The following AFG1L variants were observed in gnomAD, a reference collection of about 807,000 sequenced individuals.
AFG1L encodes AFG1 like ATPase.
A neutral mutation model predicts 62.2 loss-of-function variants in AFG1L; 53 were observed. The ratio of observed to expected loss-of-function variants is 0.85; its 90% CI spans 0.68 to 1.07. AFG1L has a LOEUF of 1.07. Ranked by LOEUF, AFG1L falls within the 50% of genes least tolerant of loss-of-function variation. AFG1L has a pLI of 0.00. For synonymous variants in AFG1L, 228 were observed against 210.3 expected (o/e 1.08, Z -0.73); for missense variants, 555 against 590.5 (o/e 0.94, Z 0.62).
intron 7 of AFG1L, among the ~76,000 whole-genome samples, chr6:108,413,243 A>G (rs1782200154): frequency 6.6e-6 from 1 of 152,210 alleles, no homozygotes; most frequent in Admixed American, 6.5e-5. Context: ...TGCACTCAAT[A>G]CGGGAGCACC....
intron 10 of AFG1L, among the ~76,000 whole-genome samples, chr6:108,498,768 A>G (rs1774067975): frequency 6.6e-6 from 1 of 152,022 alleles, no homozygotes; most frequent in African/African-American, 2.4e-5. Flanking sequence ...TGAGATCAGG[A>G]GTTCAAGACC....
intron 1 of AFG1L, 116 bp from the exon 2 acceptor site, chr6:108,323,709 G>T: frequency 1.5e-6 from 1 of 661,864 alleles, no homozygotes; most frequent in South Asian, 2.0e-5. Context: ...TACAAAAACT[G>T]CTCCAATAGA....
chr6:108,346,931 A>G, intron 2 of AFG1L, 57 bp from the exon 3 acceptor site: 1 of 1,293,326 alleles, frequency 7.7e-7, no homozygotes, highest in Non-Finnish European at 1.1e-6. Flanking sequence ...GACTATGTAT[A>G]TGATTATATT....
intron 7 of AFG1L, among the ~76,000 whole-genome samples, chr6:108,422,477 C>CAAAAAAAAACAAAAAAAAAAAAAAAA (rs1770636179): frequency 2.2e-5 from 1 of 45,798 alleles, no homozygotes; most frequent in African/African-American, 1.0e-4. Context: ...TAGTCCTCAG[C>CAAAAAAAAACAAAAAAAAAAAAAAAA]AAAAAAAAAA....
At chr6:108,309,097 G>GA in intron 1 of AFG1L, among the ~76,000 whole-genome samples, 2 of 152,020 alleles carry the variant, frequency 1.3e-5, no homozygotes, top group African/African-American at 4.8e-5. Flanking sequence ...AGGTCACGAA[G>GA]GTATTTTCAT....
chr6:108,449,186 CATATACACTTACAT>C (rs1771946775), intron 8 of AFG1L, among the ~76,000 whole-genome samples: 2 of 150,252 alleles, frequency 1.3e-5, no homozygotes, highest in Admixed American at 1.3e-4. Flanking sequence ...TAAGTGTATA[CATATACACTTACAT>C]ATATACACAC....
chr6:108,305,202 CATT>C (rs1298774151), intron 1 of AFG1L, among the ~76,000 whole-genome samples: 1 of 152,112 alleles, frequency 6.6e-6, no homozygotes, highest in Non-Finnish European at 1.5e-5. Flanking sequence ...TGGAGAGGCT[CATT>C]ATATTAACAA....
intron 2 of AFG1L, among the ~76,000 whole-genome samples, chr6:108,342,391 T>C (rs894085417): frequency 6.6e-6 from 1 of 152,164 alleles, no homozygotes; most frequent in African/African-American, 2.4e-5. Flanking sequence ...TATAGGGAAT[T>C]AAATTTAAGG....
chr6:108,500,116 G>T (rs892120158), intron 10 of AFG1L, among the ~76,000 whole-genome samples: 1 of 151,226 alleles, frequency 6.6e-6, no homozygotes, highest in East Asian at 1.9e-4. Context: ...CCATGTTGCT[G>T]CAAAGAACAT....
At chr6:108,510,478 C>A (rs991431233) in intron 11 of AFG1L, 126 bp downstream of exon 11, 3 of 700,524 alleles carry the variant, frequency 4.3e-6, no homozygotes, top group African/African-American at 3.6e-5. Context: ...TCCATTCCCT[C>A]ATGTGTGAAT....
At chr6:108,481,814 T>C (rs1773330480) in intron 10 of AFG1L, among the ~76,000 whole-genome samples, 1 of 152,340 alleles carries the variant, frequency 6.6e-6, no homozygotes, top group South Asian at 2.1e-4. Flanking sequence ...CAAGCTGAAC[T>C]AGCCACTATT....
chr6:108,405,967 C>A (rs1354558504), intron 7 of AFG1L, among the ~76,000 whole-genome samples: 4 of 152,210 alleles, frequency 2.6e-5, no homozygotes, highest in African/African-American at 7.2e-5. Flanking sequence ...GAATTCTAAT[C>A]CTTTTTATGG....
intron 1 of AFG1L, among the ~76,000 whole-genome samples, chr6:108,323,517 A>G (rs1777901953): frequency 6.6e-6 from 1 of 152,040 alleles, no homozygotes. Flanking sequence ...ATGCACCACC[A>G]TGCCCAGCTA....
rs201568525 is a variant in AFG1L, at chr6:108,349,367, CCAA to C, written c.415+2329_415+2331del. Among the ~76,000 whole-genome samples, 901 of 152,038 alleles carry C rather than the reference CCAA, an allele frequency of 5.9e-3. 28 individuals are homozygous for C. Among genetic ancestry groups the C allele is most frequent in the Admixed American group, 0.05 (769 of 15,268 alleles). On this transcript the variant is annotated intron_variant, in intron 3 of 12. Transcript: ENST00000368977. Reference sequence around the variant, plus strand: ...GGTGTGGTGGCATGTGCCTATAGTCCCAATTACTCGAGAGGCTAAGGTGGGAGG... The same window carrying C: ...GGTGTGGTGGCATGTGCCTATAGTCCTTACTCGAGAGGCTAAGGTGGGAGG...
At chr6:108,325,957 A>T (rs1778026856) in intron 2 of AFG1L, among the ~76,000 whole-genome samples, 1 of 151,930 alleles carries the variant, frequency 6.6e-6, no homozygotes, top group Non-Finnish European at 1.5e-5. Context: ...TTGTATTTTT[A>T]GTAGAGATGG....
At chr6:108,353,314 C>T (rs1779151163) in intron 3 of AFG1L, among the ~76,000 whole-genome samples, 1 of 152,016 alleles carries the variant, frequency 6.6e-6, no homozygotes, top group South Asian at 2.1e-4. Context: ...ACCACCAAAC[C>T]TGGCTAATAT....
intron 8 of AFG1L, among the ~76,000 whole-genome samples, chr6:108,451,821 C>T (rs958900849): frequency 1.3e-5 from 2 of 152,060 alleles, no homozygotes; most frequent in Non-Finnish European, 2.9e-5. Flanking sequence ...CGGGTTCAAG[C>T]AATTCTCCTG....
At chr6:108,349,254 C>A (rs955894997) in intron 3 of AFG1L, among the ~76,000 whole-genome samples, 1 of 152,004 alleles carries the variant, frequency 6.6e-6, no homozygotes, top group Non-Finnish European at 1.5e-5. Flanking sequence ...TAGGCCGAGG[C>A]GAGTGGATTG....
intron 8 of AFG1L, among the ~76,000 whole-genome samples, chr6:108,462,299 G>T (rs1772491336): frequency 1.3e-5 from 2 of 151,914 alleles, no homozygotes; most frequent in African/African-American, 2.4e-5. Context: ...AGCTGCTTGA[G>T]AGGCTGAGAT....
Sources: allele counts gnomAD v4.1 joint callset (sites outside exome capture counted in the v4.1 genomes callset), GRCh38; gene constraint gnomAD v4.1.1; transcripts MANE v1.5; gene names NCBI Gene and HGNC (gene_info 2026-07-23, HGNC 2026-07-21).